CCAR1: variants seen among roughly 807,000 people sequenced by gnomAD.
CCAR1 encodes cell division cycle and apoptosis regulator 1.
A neutral mutation model predicts 163.8 loss-of-function variants in CCAR1; 78 were observed. The ratio of observed to expected loss-of-function variants is 0.48; its 90% CI spans 0.40 to 0.57. CCAR1 has a LOEUF of 0.57. Among genes scored for constraint, CCAR1 ranks in the 20% least tolerant of loss-of-function variants. The probability of loss-of-function intolerance (pLI) is 0.00; values close to 1 mark genes in which losing one functional copy is unlikely to be tolerated. For synonymous variants in CCAR1, 443 were observed against 460.7 expected (o/e 0.96, Z 0.49); for missense variants, 1,019 against 1,365.2 (o/e 0.75, Z 4.00).
chr10:68,764,611 C>A (rs1215477525), intron 16 of CCAR1, among the ~76,000 whole-genome samples: 1 of 152,070 alleles, frequency 6.6e-6, no homozygotes, highest in African/African-American at 2.4e-5. Context: ...CATCTTCCAT[C>A]CAGTCTCTTT....
chr10:68,722,408 A>G, intron 1 of CCAR1, 47 bp from the exon 2 acceptor site: 1 of 912,282 alleles, frequency 1.1e-6, no homozygotes, highest in Non-Finnish European at 1.8e-6. Flanking sequence ...CTTTTGTGAT[A>G]TCTGTAGCTT....
chr10:68,782,778 T>C (rs949926867), intron 19 of CCAR1, among the ~76,000 whole-genome samples: 2 of 151,672 alleles, frequency 1.3e-5, no homozygotes, highest in Non-Finnish European at 2.9e-5. Flanking sequence ...CTTTACTGAA[T>C]TTTTTTTTAC....
chr10:68,780,444 T>G (rs2056722212), intron 19 of CCAR1, among the ~76,000 whole-genome samples: 1 of 152,178 alleles, frequency 6.6e-6, no homozygotes, highest in Non-Finnish European at 1.5e-5. Context: ...ATCTTCCTGC[T>G]TCCCTCCCAA....
intron 6 of CCAR1, among the ~76,000 whole-genome samples, chr10:68,745,653 G>T (rs1033087960): frequency 6.6e-6 from 1 of 151,364 alleles, no homozygotes; most frequent in African/African-American, 2.4e-5. Flanking sequence ...TAGTAGAGAC[G>T]GGGTTTCACC....
chr10:68,780,165 A>G (rs538185997), intron 19 of CCAR1, among the ~76,000 whole-genome samples: 22 of 152,356 alleles, frequency 1.4e-4, no homozygotes, highest in Non-Finnish European at 1.8e-4. Context: ...AATCATCAAA[A>G]ATAAGTAAAT....
chr10:68,778,248 A>G (rs934394447), intron 19 of CCAR1, among the ~76,000 whole-genome samples: 20 of 152,238 alleles, frequency 1.3e-4, no homozygotes, highest in Middle Eastern at 3.4e-3. Context: ...TAGTGCTCAC[A>G]ATGACTTACA....
At chr10:68,753,583 G>A (rs2056362778) in intron 10 of CCAR1, among the ~76,000 whole-genome samples, 1 of 152,110 alleles carries the variant, frequency 6.6e-6, no homozygotes, top group Non-Finnish European at 1.5e-5. Context: ...CTGGAGCTGA[G>A]ATTCAAGTTA....
chr10:68,757,348 T>C lies in CCAR1; in HGVS notation c.1891T>C (p.Trp631Arg). Residue 631 changes from tryptophan (W) to arginine (R), a missense_variant, in exon 15 of 25, where the codon TGG becomes CGG. Trp to Arg is a moderately radical substitution (Grantham distance 101). Transcript: ENST00000265872. The stretch of plus-strand genomic sequence containing the variant: ...TAAAGAAATTTCTACACCTACCCAT[T>C]GGTCTAAACTTGATCCAAAGACAAT... ...EAKEISTPTHWSKLDPKTMKV... is the reference protein window; with the variant it reads ...EAKEISTPTHRSKLDPKTMKV... The C allele has an allele frequency of 6.3e-7, 1 of 1,581,710 alleles. No individual in the cohort carries two copies. Among genetic ancestry groups the C allele is most frequent in the Non-Finnish European group, 8.7e-7 (1 of 1,151,722 alleles).
At chr10:68,734,795 T>C (rs2056086169) in intron 2 of CCAR1, among the ~76,000 whole-genome samples, 1 of 152,222 alleles carries the variant, frequency 6.6e-6, no homozygotes, top group Non-Finnish European at 1.5e-5. Flanking sequence ...AGATGCATTT[T>C]TGGGAAGTGC....
At chr10:68,788,987 G>A (rs2056824922) in intron 23 of CCAR1, among the ~76,000 whole-genome samples, 1 of 151,328 alleles carries the variant, frequency 6.6e-6, no homozygotes, top group Admixed American at 6.6e-5. Context: ...TTGGCCCATT[G>A]CAACCTCCAC....
rs1372578235 is a variant in CCAR1 at position 68,773,078 on chromosome 10, G to A, written c.2629G>A (p.Glu877Lys). 6.5e-7 allele frequency: 1 copy of A among 1,540,734 alleles called. No homozygotes were observed. The highest frequency in any genetic ancestry group is 8.8e-7 in the Non-Finnish European group (1 of 1,130,686). ...TGAATATGACCCTATGGAAGCAGAA[G>A]AAGCTGAGGATGAAGAAGATGGTAT... is the stretch of plus-strand genomic sequence containing the variant. ...QDEYDPMEAEEAEDEEDDRDE... is the reference protein window; with the variant it reads ...QDEYDPMEAEKAEDEEDDRDE... The change falls in exon 19 of 25, where the codon GAA (glutamate) becomes AAA (lysine). Residue 877 changes from glutamate (E) to lysine (K), a missense_variant. By Grantham distance (56) the Glu-to-Lys change is moderately conservative. Coordinates refer to ENST00000265872, the MANE Select transcript of CCAR1 (RefSeq NM_018237.4).
Position 68,786,566 on chromosome 10 carries a change from G to A in CCAR1, c.2754G>A (p.Met918Ile). The A allele has an allele frequency of 6.4e-7, 1 of 1,567,326 alleles. No individual in the cohort carries two copies. Among genetic ancestry groups the A allele is most frequent in the East Asian group, 2.3e-5 (1 of 44,070 alleles). The stretch of plus-strand genomic sequence containing the variant: ...CTTAGGAAAAAGAAAAGACTCAAAT[G>A]ATCACAATTAACAGAGATCTGTTAA... ...SKDKEKEKTQ[M>I]ITINRDLLMA... The change falls in exon 21 of 25, where the codon ATG becomes ATA. Residue 918 changes from methionine (M) to isoleucine (I), a missense_variant. Transcript: ENST00000265872.
At chr10:68,763,861 C>T (rs550263188) in intron 16 of CCAR1, among the ~76,000 whole-genome samples, 20 of 152,174 alleles carry the variant, frequency 1.3e-4, no homozygotes, top group Non-Finnish European at 2.9e-4. Context: ...TCTTTACTTA[C>T]TAGCATTTTA....
chr10:68,757,987 C>T (rs959274172), intron 15 of CCAR1, among the ~76,000 whole-genome samples: 3 of 149,350 alleles, frequency 2.0e-5, no homozygotes, highest in African/African-American at 2.5e-5. Context: ...GTGATTCACC[C>T]GCCTTGGCAT....
rs752111193 is a variant in CCAR1, at chr10:68,737,810, ATTT to A, written c.247-32_247-30del. On this transcript the variant is annotated intron_variant, in intron 3 of 24. Coordinates refer to ENST00000265872, the MANE Select transcript of CCAR1 (RefSeq NM_018237.4). ...GAGAATGAATAAATTTAGTGTCTGT[ATTT>A]TTCTTTGAAAAATTTTTTTTTAATC... is the stretch of plus-strand genomic sequence containing the variant. The A allele has an allele frequency of 8.0e-6, 11 of 1,368,518 alleles. No individual in the cohort carries two copies. The African/African-American group carries it at 1.6e-4, about 20-fold the overall frequency. 84.8% of individuals were successfully genotyped at this position (1,368,518 alleles called of 1,614,324 possible). A position where few individuals can be genotyped will look rare whatever the true frequency, so the allele number is the denominator to read the frequency against.
At chr10:68,739,410 A>G (rs1026301006) in intron 4 of CCAR1, among the ~76,000 whole-genome samples, 1 of 151,982 alleles carries the variant, frequency 6.6e-6, no homozygotes, top group African/African-American at 2.4e-5. Flanking sequence ...TGGCCTCCCA[A>G]AGTGCTGGGA....
At chr10:68,723,321 G>A (rs1238209147) in intron 2 of CCAR1, among the ~76,000 whole-genome samples, 73 of 149,040 alleles carry the variant, frequency 4.9e-4, no homozygotes, top group African/African-American at 1.7e-3. Context: ...AGTAGAGACG[G>A]GGTTTCACCG....
chr10:68,788,772 C>T (rs1375813616), intron 23 of CCAR1, among the ~76,000 whole-genome samples: 2 of 152,194 alleles, frequency 1.3e-5, no homozygotes, highest in Admixed American at 6.5e-5. Flanking sequence ...GCAGGAGCCA[C>T]CATGCTCTGC....
intron 15 of CCAR1, among the ~76,000 whole-genome samples, chr10:68,758,606 T>C (rs1564541631): frequency 1.5e-5 from 2 of 137,228 alleles, no homozygotes; most frequent in East Asian, 2.3e-4. Flanking sequence ...CACATATATA[T>C]ACGTGTGTGT....
Sources: gnomAD v4.1 joint callset for allele counts (sites outside exome capture counted in the v4.1 genomes callset) on GRCh38, gnomAD v4.1.1 for gene constraint, MANE v1.5 for transcripts, NCBI Gene and HGNC (gene_info 2026-07-23, HGNC 2026-07-21) for gene names.